Variants in COBLL1 observed in about 807,000 individuals in gnomAD.
The protein encoded by COBLL1 is cordon-bleu protein-like 1.
A neutral mutation model predicts 94.8 loss-of-function variants in COBLL1; 50 were observed. That is an observed-to-expected ratio of 0.53 (90% CI 0.42 to 0.67). The LOEUF is 0.67. Among genes scored for constraint, COBLL1 ranks in the 30% least tolerant of loss-of-function variants. COBLL1 has a pLI of 0.00. For synonymous variants in COBLL1, 448 were observed against 473.8 expected (o/e 0.95, Z 0.71); for missense variants, 1,362 against 1,348.7 (o/e 1.01, Z -0.15).
chr2:164,783,044 A>AT (rs1364367804), intron 2 of COBLL1, among the ~76,000 whole-genome samples: 1 of 152,096 alleles, frequency 6.6e-6, no homozygotes, highest in African/African-American at 2.4e-5. Flanking sequence ...ACAACTATGT[A>AT]TTTTTTGGAC....
intron 2 of COBLL1, among the ~76,000 whole-genome samples, chr2:164,797,967 A>C (rs770858650): frequency 6.6e-6 from 1 of 152,256 alleles, no homozygotes; most frequent in South Asian, 2.1e-4. Context: ...ATTAAAACTT[A>C]CATTGAAAAG....
downstream of COBLL1, among the ~76,000 whole-genome samples, chr2:164,678,326 G>A (rs545506402): frequency 6.6e-6 from 1 of 152,196 alleles, no homozygotes; most frequent in Admixed American, 6.5e-5. Flanking sequence ...AAATGATGGA[G>A]ATAATATGTC....
rs532885603 is a variant in COBLL1, at chr2:164,795,214, A to G, written c.41+45942T>C. Among the ~76,000 whole-genome samples, 5 of 152,332 alleles carry G rather than the reference A, an allele frequency of 3.3e-5. No homozygotes were observed. The East Asian group carries it at 7.7e-4, about 23-fold the overall frequency. On this transcript the variant is annotated intron_variant, in intron 2 of 13. Coordinates refer to ENST00000652658, the MANE Select transcript of COBLL1 (RefSeq NM_001365672.2). ...TAGAAATAATGTTTTTTAAGAAACA[A>G]TACAGTATTTTGAAGCACTCACAAG...
rs979323932 is a variant in COBLL1 at position 164,690,960 on chromosome 2, G to A, written c.3300+1261C>T. Among the ~76,000 whole-genome samples the A allele has an allele frequency of 3.9e-5, 6 of 152,130 alleles. No individual in the cohort carries two copies. The South Asian group carries it at 6.2e-4, about 16-fold the overall frequency. On this transcript the variant is annotated intron_variant, in intron 13 of 13. Coordinates refer to ENST00000652658, the MANE Select transcript of COBLL1 (RefSeq NM_001365672.2). ...CTAAAAATATAAATTTGTCATGACC[G>A]ATGAAAAACCAATTTCAATATTAAA... is the stretch of plus-strand genomic sequence containing the variant.
chr2:164,839,350 T>A (rs1683473630), intron 2 of COBLL1, among the ~76,000 whole-genome samples: 1 of 151,948 alleles, frequency 6.6e-6, no homozygotes, highest in Non-Finnish European at 1.5e-5. Flanking sequence ...CCCAACACTT[T>A]GGGAAGCCAA....
At chr2:164,687,238 TAGAA>T (rs1683345962) in intron 13 of COBLL1, 1 of 360,646 alleles carries the variant, frequency 2.8e-6, no homozygotes, top group Non-Finnish European at 4.9e-6. Context: ...GGAGAGGAAG[TAGAA>T]TTTATTGGTT....
At chr2:164,728,526 A>G (rs915995462) in intron 4 of COBLL1, among the ~76,000 whole-genome samples, 1 of 152,028 alleles carries the variant, frequency 6.6e-6, no homozygotes, top group African/African-American at 2.4e-5. Context: ...AAAATTAGCA[A>G]ATATACATAG....
chr2:164,827,108 G>A (rs909701092), intron 2 of COBLL1, among the ~76,000 whole-genome samples: 4 of 151,926 alleles, frequency 2.6e-5, no homozygotes, highest in Non-Finnish European at 5.9e-5. Context: ...GCACTACCAT[G>A]CCTGGTTATT....
In COBLL1 at chr2:164,682,060, T is replaced by C. The variant is rs1296021232; in HGVS notation, c.*3886A>G. The C allele has an allele frequency of 6.6e-6, 1 of 152,200 alleles. No homozygotes were observed. Among genetic ancestry groups the C allele is most frequent in the South Asian group, 2.1e-4 (1 of 4,838 alleles). The allele number at this position is 152,200 out of a possible 1,614,324, so 9.4% of individuals were successfully genotyped here. A position where few individuals can be genotyped will look rare whatever the true frequency, so the allele number is the denominator to read the frequency against. ...TTGAAATCTAGCACCAGTTTCTTCATCATTTGCTACATTTAGTCATGGGGA... is the reference window on the plus strand; with the variant it reads ...TTGAAATCTAGCACCAGTTTCTTCACCATTTGCTACATTTAGTCATGGGGA... On this transcript the variant is annotated 3_prime_UTR_variant, in exon 14 of 14. Transcript: ENST00000652658.
intron 2 of COBLL1, among the ~76,000 whole-genome samples, chr2:164,826,673 C>G (rs1685441716): frequency 6.6e-6 from 1 of 152,198 alleles, no homozygotes; most frequent in Admixed American, 6.5e-5. Context: ...ACAGTAGCTG[C>G]CTGCCAAGTG....
intron 2 of COBLL1, among the ~76,000 whole-genome samples, chr2:164,790,746 G>T (rs1683148010): frequency 6.6e-6 from 1 of 152,132 alleles, no homozygotes; most frequent in Non-Finnish European, 1.5e-5. Context: ...CATATAAAAG[G>T]TTTAAGAAGT....
chr2:164,841,291 C>G lies in COBLL1; in HGVS notation c.-50-45G>C. On this transcript the variant is annotated intron_variant, in intron 1 of 13. Transcript: ENST00000652658. This position sits in a 1 kb window ranked among gnomAD's most constrained non-coding sequence, Gnocchi z 5.5. ...CGGGTCAGGGCGGGACGCGCGCCTT[C>G]CCGAGGCCGGAGCGAAGCTGGCTGA... is the stretch of plus-strand genomic sequence containing the variant. 8.2e-7 allele frequency: 1 copy of G among 1,217,474 alleles called. No individual in the cohort carries two copies. The allele number at this position is 1,217,474 out of a possible 1,614,324, so 75.4% of individuals were successfully genotyped here. A position where few individuals can be genotyped will look rare whatever the true frequency, so the allele number is the denominator to read the frequency against.
chr2:164,704,400 G>T, intron 9 of COBLL1, 44 bp downstream of exon 9: 1 of 1,229,740 alleles, frequency 8.1e-7, no homozygotes, highest in African/African-American at 1.5e-5. Flanking sequence ...TATCATGGAC[G>T]TCCTTTTTCA....
chr2:164,759,194 T>C (rs1574534491), intron 2 of COBLL1, among the ~76,000 whole-genome samples: 1 of 152,174 alleles, frequency 6.6e-6, no homozygotes, highest in Admixed American at 6.5e-5. Flanking sequence ...ATCGTTGAGT[T>C]ATCAGACTCT....
rs757180693 is a variant in COBLL1, at chr2:164,722,292, G to C, written c.779C>G (p.Thr260Ser). The C allele has an allele frequency of 6.2e-7, 1 of 1,613,852 alleles. No homozygotes were observed. Among genetic ancestry groups the C allele is most frequent in the Non-Finnish European group, 8.5e-7 (1 of 1,179,826 alleles). Residue 260 changes from threonine (T) to serine (S), a missense_variant, in exon 7 of 14, where the codon ACC becomes AGC. Coordinates refer to ENST00000652658, the MANE Select transcript of COBLL1 (RefSeq NM_001365672.2). ...TGGGCGGTGCTTATTTACTAGAGGG[G>C]TTGCAGGGGCACTTGCAGTCTAGTA... ...KRDQTASAPA[T>S]PLVNKHRPTF... is the part of the protein sequence containing the mutation.
intron 2 of COBLL1, among the ~76,000 whole-genome samples, chr2:164,805,364 A>ATATAT (rs1253271541): frequency 1.5e-4 from 6 of 41,090 alleles, no homozygotes; most frequent in East Asian, 1.0e-3. Flanking sequence ...TATATATATA[A>ATATAT]AACTAAAGTT....
intron 2 of COBLL1, among the ~76,000 whole-genome samples, chr2:164,752,111 C>T (rs933936531): frequency 6.6e-6 from 1 of 152,108 alleles, no homozygotes; most frequent in Non-Finnish European, 1.5e-5. Flanking sequence ...ACAGTAAAAG[C>T]CAAACAGAAC....
intron 7 of COBLL1, among the ~76,000 whole-genome samples, chr2:164,715,259 G>A (rs1030341657): frequency 4.6e-5 from 7 of 152,056 alleles, no homozygotes; most frequent in Non-Finnish European, 7.4e-5. Flanking sequence ...TTTCTCTACT[G>A]AATGAAACCA....
intron 2 of COBLL1, among the ~76,000 whole-genome samples, chr2:164,750,191 A>G (rs543649012): frequency 2.0e-5 from 3 of 152,300 alleles, no homozygotes; most frequent in African/African-American, 7.2e-5. Flanking sequence ...ATTCCCAACA[A>G]TCTCATGGTT....
Sources: allele counts gnomAD v4.1 joint callset (sites outside exome capture counted in the v4.1 genomes callset), GRCh38; gene constraint gnomAD v4.1.1; non-coding constraint Gnocchi (gnomAD v3.1); transcripts MANE v1.5; gene names NCBI Gene and HGNC (gene_info 2026-07-23, HGNC 2026-07-21).